The following PP2D1 variants were observed in gnomAD, a reference collection of about 807,000 sequenced individuals.
PP2D1 encodes protein phosphatase 2C-like domain-containing protein 1.
In PP2D1, 25 loss-of-function variants were observed where a neutral mutation model predicts 30.2. The ratio of observed to expected loss-of-function variants is 0.83; its 90% CI spans 0.60 to 1.16. The LOEUF is 1.16. PP2D1 is among the 50% of genes most tolerant of loss of function. The pLI, the probability that PP2D1 is intolerant of heterozygous loss-of-function variation, is 0.00. For missense variants in PP2D1, 760 were observed against 742.4 expected (o/e 1.02, Z -0.28); for synonymous variants, 260 against 258.9 (o/e 1.00, Z -0.04).
intron 3 of PP2D1, chr3:19,980,279 A>G (rs897372632): frequency 6.6e-6 from 1 of 152,184 alleles, no homozygotes; most frequent in Non-Finnish European, 1.5e-5. Flanking sequence ...TTTAGTTTGT[A>G]CCTTTTTATT....
chr3:20,001,771 G>C lies in PP2D1; in HGVS notation c.349C>G (p.Leu117Val), dbSNP rs774558040. The C allele has an allele frequency of 1.9e-4, 298 of 1,533,500 alleles. 1 individual carries two copies. The highest frequency in any genetic ancestry group is 2.4e-4 in the Non-Finnish European group (280 of 1,146,022). The allele number at this position is 1,533,500 out of a possible 1,614,324, so 95.0% of individuals were successfully genotyped here. A position where few individuals can be genotyped will look rare whatever the true frequency, so the allele number is the denominator to read the frequency against. The stretch of plus-strand genomic sequence containing the variant: ...TCAGTGAACATAAAAGATGACAATA[G>C]TTTAGAAATCATGAACTGTCTCTGA... Reference protein sequence around the residue: ...AVQRQFMISKLLSSFMFTEKT... With the variant: ...AVQRQFMISKVLSSFMFTEKT... The change falls in exon 2 of 3, where the codon CTA becomes GTA. Residue 117 changes from leucine to valine, a missense_variant. This residue lies in a region of PP2D1 where 374 missense variants were observed against 388.8 expected (regional missense o/e 0.96). Transcript: ENST00000389050.
intron 2 of PP2D1, among the ~76,000 whole-genome samples, chr3:19,987,887 A>G (rs544157917): frequency 4.6e-5 from 7 of 152,246 alleles, no homozygotes; most frequent in South Asian, 4.1e-4. Context: ...TAATACTTCT[A>G]TAATTTCTTA....
chr3:19,987,555 G>C (rs1442198349), intron 2 of PP2D1, among the ~76,000 whole-genome samples: 1 of 152,102 alleles, frequency 6.6e-6, no homozygotes, highest in Non-Finnish European at 1.5e-5. Flanking sequence ...GGATCATTTA[G>C]TTGCTTGCAG....
chr3:19,985,651 TTAGAA>T lies in PP2D1; in HGVS notation c.1617_1621del (p.Tyr539Ter). The T allele has an allele frequency of 8.5e-6, 13 of 1,535,994 alleles. No individual in the cohort carries two copies. The African/African-American group carries it at 1.2e-4, about 15-fold the overall frequency. ...ATTCTCAGGGTTATAAATACAGTAT[TTAGAA>T]TAGTTTGAATCGGATAAATTTTCTT... On this transcript the variant is annotated stop_gained and frameshift_variant, in exon 3 of 3. Coordinates refer to ENST00000389050, the MANE Select transcript of PP2D1 (RefSeq NM_001252657.2). LOFTEE classifies it low-confidence loss of function (END_TRUNC).
chr3:20,000,098 C>T (rs1016130521), intron 2 of PP2D1, among the ~76,000 whole-genome samples: 1 of 152,194 alleles, frequency 6.6e-6, no homozygotes. Flanking sequence ...GCCCAGCCTC[C>T]TCAGGCTTTG....
intron 2 of PP2D1, among the ~76,000 whole-genome samples, chr3:19,988,417 A>G (rs1697071341): frequency 6.6e-6 from 1 of 152,110 alleles, no homozygotes; most frequent in Admixed American, 6.6e-5. Context: ...AGGATGAGGA[A>G]ATTCCCGCCT....
chr3:19,983,915 C>A, downstream of PP2D1: 1 of 830,838 alleles, frequency 1.2e-6, no homozygotes, highest in Non-Finnish European at 1.9e-6. Context: ...GTATGACTTC[C>A]AAAAGAAGAG....
At position 19,986,068 on chromosome 3, in the gene PP2D1, C is replaced by T. The variant is rs1390156028; in HGVS notation, c.1205G>A (p.Ser402Asn). The stretch of plus-strand genomic sequence containing the variant: ...TACAAGCCCGTATGGTTCATTTGAA[C>T]TAATGACTGCTCCATTCTGAAGTAT... ...RRILQNGAVI[S>N]SNEPYGLVEG... The change falls in exon 3 of 3, where the codon AGT (serine) becomes AAT (asparagine). Residue 402 changes from serine to asparagine, a missense_variant. Physicochemically the swap from Ser to Asn is conservative, Grantham distance 46. This residue lies in a region of PP2D1 where 369 missense variants were observed against 316.2 expected (regional missense o/e 1.17). Coordinates refer to ENST00000389050, the MANE Select transcript of PP2D1 (RefSeq NM_001252657.2). 1 of 1,535,944 alleles carries T rather than the reference C, an allele frequency of 6.5e-7. No homozygotes were observed. Among genetic ancestry groups the T allele is most frequent in the Non-Finnish European group, 8.7e-7 (1 of 1,146,852 alleles).
chr3:20,001,200 A>G lies in PP2D1; in HGVS notation c.920T>C (p.Val307Ala). The G allele has an allele frequency of 6.5e-7, 1 of 1,533,140 alleles. No homozygotes were observed. Among genetic ancestry groups the G allele is most frequent in the Non-Finnish European group, 8.7e-7 (1 of 1,145,610 alleles). 95.0% of individuals were successfully genotyped at this position (1,533,140 alleles called of 1,614,324 possible). ...LGLGRKEVSR[V>A]QWSGCSAVTC... ...AACTGCAGAGCAGCCACTCCATTGA[A>G]CCCTGGACACTTCTTTTCTTCCAAG... Residue 307 changes from valine (V) to alanine (A), a missense_variant, in exon 2 of 3, where the codon GTT (valine) becomes GCT (alanine). Val to Ala is a moderately conservative substitution (Grantham distance 64, BLOSUM62 0). Transcript: ENST00000389050.
At chr3:19,982,431 T>C (rs1486445927), downstream of PP2D1, among the ~76,000 whole-genome samples, 9 of 152,256 alleles carry the variant, frequency 5.9e-5, no homozygotes, top group Non-Finnish European at 2.9e-5. Context: ...ACTTGGGTGT[T>C]ATCTGTCCTT....
downstream of PP2D1, chr3:19,984,426 T>A (rs1483745913): frequency 4.5e-5 from 9 of 201,736 alleles, no homozygotes; most frequent in East Asian, 1.7e-4. Context: ...TTTTTTTTTT[T>A]AAATGGGGTA....
At chr3:20,003,371 G>A (rs1451661850) in intron 1 of PP2D1, among the ~76,000 whole-genome samples, 20 of 150,408 alleles carry the variant, frequency 1.3e-4, no homozygotes, top group African/African-American at 4.9e-4. Flanking sequence ...GCCAAGGTGT[G>A]TATTTTAGTT....
chr3:19,991,286 T>TA (rs1226570540), intron 2 of PP2D1, among the ~76,000 whole-genome samples: 2 of 152,082 alleles, frequency 1.3e-5, no homozygotes, highest in Admixed American at 1.3e-4. Flanking sequence ...ATCACCAACT[T>TA]TTGTGAAAAG....
chr3:20,001,277 G>T lies in PP2D1; in HGVS notation c.843C>A (p.Asp281Glu). 6.5e-7 allele frequency: 1 copy of T among 1,536,060 alleles called. No homozygotes were observed. Among genetic ancestry groups the T allele is most frequent in the South Asian group, 1.2e-5 (1 of 84,030 alleles). Residue 281 changes from aspartate to glutamate, a missense_variant, in exon 2 of 3, where the codon GAC becomes GAA. By Grantham distance (45) the Asp-to-Glu change is conservative. Transcript: ENST00000389050. Reference sequence around the variant, plus strand: ...ATGCTTTTGCAAAGGCTTTGTGTGTGTCCTCATACTCACACCTCACTGCTT... The same window carrying T: ...ATGCTTTTGCAAAGGCTTTGTGTGTTTCCTCATACTCACACCTCACTGCTT... ...KTEAVRCEYE[D>E]THKAFAKAFW... is the part of the protein sequence containing the mutation.
chr3:20,004,549 G>T (rs535037807), intron 1 of PP2D1, among the ~76,000 whole-genome samples: 64 of 152,276 alleles, frequency 4.2e-4, no homozygotes, highest in Non-Finnish European at 7.9e-4. Flanking sequence ...AGTAAGGACA[G>T]AATTTTTTTA....
Position 19,985,493 on chromosome 3 carries a change from C to CTA in PP2D1, c.1779_1780insTA (p.Ala594Ter), listed in dbSNP as rs761868076. The CTA allele has an allele frequency of 6.5e-7, 1 of 1,536,102 alleles. No homozygotes were observed. The highest frequency in any genetic ancestry group is 1.2e-5 in the South Asian group (1 of 84,062). ...ACAAGTTCATGGCTAACATACTCAGCTGCGCCTTCATAGAAACTCTTAGTG... is the reference window on the plus strand; with the variant it reads ...ACAAGTTCATGGCTAACATACTCAGCTATGCGCCTTCATAGAAACTCTTAGTG... On this transcript the variant is annotated frameshift_variant, in exon 3 of 3. Coordinates refer to ENST00000389050, the MANE Select transcript of PP2D1 (RefSeq NM_001252657.2). LOFTEE classifies it high-confidence loss of function.
intron 2 of PP2D1, among the ~76,000 whole-genome samples, chr3:19,999,009 G>A (rs535794953): frequency 2.0e-5 from 3 of 151,064 alleles, no homozygotes; most frequent in Admixed American, 6.6e-5. Flanking sequence ...TAACACCATT[G>A]TATAGGCCTG....
intron 2 of PP2D1, among the ~76,000 whole-genome samples, chr3:19,988,871 A>T (rs1697078446): frequency 6.6e-6 from 1 of 152,194 alleles, no homozygotes; most frequent in Non-Finnish European, 1.5e-5. Context: ...CTGTAATCCC[A>T]GTTACTTGGG....
intron 2 of PP2D1, 116 bp from the exon 3 acceptor site, chr3:19,986,298 A>C (rs1697033967): frequency 1.4e-6 from 1 of 720,190 alleles, no homozygotes. Context: ...AAAGCAGGCT[A>C]TGTAAAAGTA....
Sources: gnomAD v4.1 joint callset for allele counts (sites outside exome capture counted in the v4.1 genomes callset) on GRCh38, gnomAD v4.1.1 for gene constraint, gnomAD v4.1.1 regional missense constraint, MANE v1.5 for transcripts, NCBI Gene and HGNC (gene_info 2026-07-23, HGNC 2026-07-21) for gene names.